SLC2A9: variants seen among roughly 807,000 people sequenced by gnomAD.
The protein encoded by SLC2A9 is solute carrier family 2 member 9.
A neutral mutation model predicts 50.6 loss-of-function variants in SLC2A9; 39 were observed. The observed-to-expected ratio is 0.77, with a 90% confidence interval of 0.60 to 1.01. The LOEUF (loss-of-function observed/expected upper bound fraction) is 1.01. Among genes scored for constraint, SLC2A9 ranks in the 50% least tolerant of loss-of-function variants. The pLI is 0.00. For synonymous variants in SLC2A9, 324 were observed against 276.9 expected, an observed-to-expected ratio of 1.17 and a Z score of -1.69; for missense variants, 686 against 677.6, an observed-to-expected ratio of 1.01 and a Z score of -0.14.
intron 1 of SLC2A9, among the ~76,000 whole-genome samples, chr4:10,030,324 T>C (rs148495826): frequency 6.6e-6 from 1 of 152,196 alleles, no homozygotes; most frequent in African/African-American, 2.4e-5. Flanking sequence ...CACACACATA[T>C]GTACAATTAT....
At chr4:9,931,350 C>T (rs1745873547) in intron 6 of SLC2A9, among the ~76,000 whole-genome samples, 1 of 152,136 alleles carries the variant, frequency 6.6e-6, no homozygotes, top group Admixed American at 6.5e-5. Flanking sequence ...GGAAAAAAAC[C>T]TCTGTGTAGC....
chr4:9,952,360 T>C (rs1038787219), intron 5 of SLC2A9, among the ~76,000 whole-genome samples: 10 of 152,100 alleles, frequency 6.6e-5, no homozygotes, highest in Admixed American at 6.5e-4. Flanking sequence ...TTTGGTTGTT[T>C]AAAATTTGTG....
intron 5 of SLC2A9, among the ~76,000 whole-genome samples, chr4:9,962,852 A>C (rs926379859): frequency 1.3e-5 from 2 of 152,176 alleles, no homozygotes; most frequent in Non-Finnish European, 1.5e-5. Flanking sequence ...TGGCACTCTT[A>C]TTAAATCACT....
At chr4:9,989,935 C>T (rs945700988) in intron 3 of SLC2A9, among the ~76,000 whole-genome samples, 13 of 152,012 alleles carry the variant, frequency 8.6e-5, no homozygotes, top group South Asian at 2.1e-4. Flanking sequence ...TCCTTCAGTG[C>T]TCCCTGCACA....
chr4:9,938,112 T>C (rs1258143632), intron 6 of SLC2A9, among the ~76,000 whole-genome samples: 3 of 152,216 alleles, frequency 2.0e-5, no homozygotes, highest in East Asian at 3.8e-4. Context: ...CATTGGGATA[T>C]CATTTTCAGT....
intron 8 of SLC2A9, among the ~76,000 whole-genome samples, chr4:9,892,896 C>G (rs531069722): frequency 6.6e-6 from 1 of 152,266 alleles, no homozygotes; most frequent in East Asian, 1.9e-4. Flanking sequence ...TACTGAGCAC[C>G]TACTATGTGC....
At chr4:9,797,794 A>T (rs910054512), downstream of SLC2A9, among the ~76,000 whole-genome samples, 3 of 151,982 alleles carry the variant, frequency 2.0e-5, no homozygotes, top group African/African-American at 7.3e-5. Context: ...TGATCCTACA[A>T]TTTTTTTATT....
chr4:9,807,491 G>C (rs191810415), intron 3 of SLC2A9, among the ~76,000 whole-genome samples: 1 of 152,134 alleles, frequency 6.6e-6, no homozygotes, highest in Non-Finnish European at 1.5e-5. Flanking sequence ...GACTCTTCCT[G>C]TCTGTTTATC....
At chr4:9,803,017 T>C (rs1168197715) in intron 3 of SLC2A9, among the ~76,000 whole-genome samples, 1 of 152,204 alleles carries the variant, frequency 6.6e-6, no homozygotes, top group Non-Finnish European at 1.5e-5. Context: ...TCTTGATAGA[T>C]ATATGGTGTC....
intron 3 of SLC2A9, among the ~76,000 whole-genome samples, chr4:9,789,562 G>C (rs1719639918): frequency 6.6e-6 from 1 of 152,230 alleles, no homozygotes; most frequent in Non-Finnish European, 1.5e-5. Flanking sequence ...AGGACAAGAT[G>C]TCAAGCTTGA....
intron 7 of SLC2A9, among the ~76,000 whole-genome samples, chr4:9,912,630 A>G (rs1335842868): frequency 6.6e-6 from 1 of 152,276 alleles, no homozygotes; most frequent in Non-Finnish European, 1.5e-5. Flanking sequence ...TCAAGGGTCC[A>G]TAAGAGTAAA....
intron 10 of SLC2A9, among the ~76,000 whole-genome samples, chr4:9,850,135 A>G (rs548562664): frequency 6.6e-6 from 1 of 152,182 alleles, no homozygotes; most frequent in African/African-American, 2.4e-5. Context: ...CTGCTGAGCA[A>G]TGGGACTTGT....
chr4:9,807,328 G>A (rs1056973350), intron 3 of SLC2A9, among the ~76,000 whole-genome samples: 6 of 152,014 alleles, frequency 3.9e-5, no homozygotes, highest in African/African-American at 1.5e-4. Context: ...TTTCTTCCTT[G>A]TTTATCTCAT....
chr4:9,804,965 G>A (rs2108955763), intron 3 of SLC2A9, among the ~76,000 whole-genome samples: 1 of 152,264 alleles, frequency 6.6e-6, no homozygotes, highest in Non-Finnish European at 1.5e-5. Flanking sequence ...CCTCCCTAGA[G>A]CCAGAGGGAC....
At chr4:9,948,938 G>A (rs183670618) in intron 5 of SLC2A9, among the ~76,000 whole-genome samples, 10 of 152,198 alleles carry the variant, frequency 6.6e-5, no homozygotes, top group Admixed American at 3.9e-4. Flanking sequence ...TTATTTACTT[G>A]GCCAAACATT....
At chr4:10,021,959 C>A (rs374241485), upstream of SLC2A9, among the ~76,000 whole-genome samples, 34 of 152,226 alleles carry the variant, frequency 2.2e-4, no homozygotes, top group African/African-American at 7.9e-4. Context: ...CTGCCTCAGC[C>A]TCCCAAGTAG....
At chr4:9,870,169 G>C (rs530267166) in intron 10 of SLC2A9, among the ~76,000 whole-genome samples, 23 of 152,352 alleles carry the variant, frequency 1.5e-4, no homozygotes, top group African/African-American at 5.5e-4. Context: ...CTGAAGCCTC[G>C]ATCTCTGCCT....
At chr4:9,868,117 G>A (rs1225770353) in intron 10 of SLC2A9, among the ~76,000 whole-genome samples, 2 of 152,208 alleles carry the variant, frequency 1.3e-5, no homozygotes, top group East Asian at 3.9e-4. Context: ...ATAGTCCCAT[G>A]CCCTCCTCTG....
chr4:9,942,015 T>C lies in SLC2A9; in HGVS notation c.712A>G (p.Ile238Val). 3.1e-6 allele frequency: 5 copies of C among 1,614,098 alleles called. No homozygotes were observed. The highest frequency in any genetic ancestry group is 4.2e-6 in the Non-Finnish European group (5 of 1,179,992). The change falls in exon 6 of 12, where the codon ATT becomes GTT. Residue 238 changes from isoleucine to valine, a missense_variant. Physicochemically the swap from Ile to Val is conservative, Grantham distance 29. Transcript: ENST00000264784. Reference sequence around the variant, plus strand: ...AGCTGGACAACGGCAGGGACCACAATCACTCCAAACAGGTATGGCCAGGTA... The same window carrying C: ...AGCTGGACAACGGCAGGGACCACAACCACTCCAAACAGGTATGGCCAGGTA... The part of the protein sequence containing the change: ...ESTWPYLFGV[I>V]VVPAVVQLLS...
Sources: gnomAD v4.1 joint callset for allele counts (sites outside exome capture counted in the v4.1 genomes callset) on GRCh38, gnomAD v4.1.1 for gene constraint, MANE v1.5 for transcripts, NCBI Gene and HGNC (gene_info 2026-07-23, HGNC 2026-07-21) for gene names.